BTRC: variants seen among roughly 807,000 people sequenced by gnomAD.
BTRC encodes the protein beta-transducin repeat containing E3 ubiquitin protein ligase, also known as F-box/WD repeat-containing protein 1A.
Under a neutral mutation model 85.5 loss-of-function variants are expected in BTRC, and 42 were observed. The ratio of observed to expected loss-of-function variants is 0.49; its 90% confidence interval spans 0.38 to 0.64. BTRC has a LOEUF of 0.64. Ranked by LOEUF, BTRC falls within the 30% of genes least tolerant of loss-of-function variation. The pLI is 0.00. For synonymous variants in BTRC, 255 were observed against 263.3 expected (o/e 0.97, Z 0.30); for missense variants, 594 against 743.5 (o/e 0.80, Z 2.34).
chr10:101,392,216 G>A (rs546386163), intron 1 of BTRC, among the ~76,000 whole-genome samples: 12 of 152,278 alleles, frequency 7.9e-5, no homozygotes, highest in African/African-American at 2.4e-4. Flanking sequence ...TTGACCTCGT[G>A]ATCTGCCCGC....
rs116296053 is a variant in BTRC at position 101,533,822 on chromosome 10, C to T, written c.1097+752C>T. Among the ~76,000 whole-genome samples the T allele has an allele frequency of 8.8e-3, 1,345 of 152,018 alleles. 19 individuals are homozygous for T. The highest frequency in any genetic ancestry group is 0.031 in the African/African-American group (1,270 of 41,500). Reference sequence around the variant, plus strand: ...AGAAAAGACGGTTCCTGTTTTTTGTCTTTTGACTTAAAGGCATAGCAAGGC... The same window carrying T: ...AGAAAAGACGGTTCCTGTTTTTTGTTTTTTGACTTAAAGGCATAGCAAGGC... On this transcript the variant is annotated intron_variant, in intron 9 of 14. Coordinates refer to ENST00000370187, the MANE Select transcript of BTRC (RefSeq NM_033637.4).
chr10:101,397,975 C>T (rs1039344425), intron 1 of BTRC, among the ~76,000 whole-genome samples: 5 of 152,206 alleles, frequency 3.3e-5, no homozygotes. Flanking sequence ...TCCACTTGCT[C>T]ATCACAGCAA....
In BTRC at chr10:101,516,195, G is replaced by A. The variant is rs186307607; in HGVS notation, c.325-5444G>A. On this transcript the variant is annotated intron_variant, in intron 4 of 14. Transcript: ENST00000370187. ...AAGCTCATTAAGAGTGTTGATTGAC[G>A]GAACACTTGACTGTATGCTAGGTGG... Among the ~76,000 whole-genome samples, 336 of 152,258 alleles carry A rather than the reference G, an allele frequency of 2.2e-3. 3 individuals carry two copies. The highest frequency in any genetic ancestry group is 7.1e-3 in the African/African-American group (295 of 41,568).
intron 1 of BTRC, among the ~76,000 whole-genome samples, chr10:101,370,907 C>T (rs1195001387): frequency 6.6e-6 from 1 of 152,140 alleles, no homozygotes. Flanking sequence ...TATCTGCACA[C>T]ACAGACACAC....
chr10:101,526,615 A>C (rs1386313412), intron 6 of BTRC, among the ~76,000 whole-genome samples: 1 of 152,204 alleles, frequency 6.6e-6, no homozygotes, highest in Non-Finnish European at 1.5e-5. Flanking sequence ...CCCCAACTCT[A>C]CTAAAAATAC....
At chr10:101,479,114 C>G (rs1303141055) in intron 3 of BTRC, among the ~76,000 whole-genome samples, 1 of 152,114 alleles carries the variant, frequency 6.6e-6, no homozygotes, top group Non-Finnish European at 1.5e-5. Context: ...TAATCAGTAC[C>G]CCCAGCTTCC....
chr10:101,415,585 A>C (rs1161551173), intron 1 of BTRC, among the ~76,000 whole-genome samples: 2 of 145,768 alleles, frequency 1.4e-5, no homozygotes, highest in Non-Finnish European at 3.0e-5. Context: ...CTTGTTGCCC[A>C]TGCTGGAGTG....
intron 1 of BTRC, among the ~76,000 whole-genome samples, chr10:101,360,294 A>G (rs977668641): frequency 4.0e-5 from 6 of 150,950 alleles, no homozygotes; most frequent in Non-Finnish European, 8.8e-5. Context: ...ACTTCAAGTG[A>G]TCCGCCCACC....
intron 2 of BTRC, among the ~76,000 whole-genome samples, chr10:101,458,438 T>A (rs921356551): frequency 6.6e-6 from 1 of 152,186 alleles, no homozygotes; most frequent in African/African-American, 2.4e-5. Context: ...TATACAACTG[T>A]ATGTTTTTGT....
intron 1 of BTRC, among the ~76,000 whole-genome samples, chr10:101,356,168 AAT>A (rs1942027972): frequency 1.3e-5 from 2 of 152,046 alleles, no homozygotes; most frequent in African/African-American, 4.8e-5. Context: ...ACGCCCATCT[AAT>A]TTTTTATTTT....
chr10:101,354,349 A>G, intron 1 of BTRC, 121 bp downstream of exon 1: 1 of 1,144,428 alleles, frequency 8.7e-7, no homozygotes, highest in Non-Finnish European at 1.2e-6. Context: ...CTGGCGGCGG[A>G]GCGGCTGGAG....
At chr10:101,481,579 T>G (rs1945835697) in intron 4 of BTRC, among the ~76,000 whole-genome samples, 1 of 152,044 alleles carries the variant, frequency 6.6e-6, no homozygotes, top group African/African-American at 2.4e-5. Context: ...TTTTAATTGT[T>G]TTTTTCTCCC....
At chr10:101,511,369 T>C (rs1051930319) in intron 4 of BTRC, among the ~76,000 whole-genome samples, 10 of 152,178 alleles carry the variant, frequency 6.6e-5, no homozygotes, top group Admixed American at 1.3e-4. Flanking sequence ...GAGGCATTTC[T>C]TGACCACTCC....
intron 4 of BTRC, among the ~76,000 whole-genome samples, chr10:101,484,662 G>T (rs556927001): frequency 6.6e-6 from 1 of 152,122 alleles, no homozygotes; most frequent in Admixed American, 6.6e-5. Flanking sequence ...TCACACAGGC[G>T]CCTCTGTCAG....
At chr10:101,393,357 A>C (rs1943284895) in intron 1 of BTRC, among the ~76,000 whole-genome samples, 1 of 152,198 alleles carries the variant, frequency 6.6e-6, no homozygotes, top group South Asian at 2.1e-4. Context: ...AGAGGGGATC[A>C]TGGTAACCCC....
At position 101,462,014 on chromosome 10, in the gene BTRC, G is replaced by A. The variant is rs765030761; in HGVS notation, c.190G>A (p.Glu64Lys). Reference protein sequence around the residue: ...SSEREDCNNGEPPRKIIPEKN... With the variant: ...SSEREDCNNGKPPRKIIPEKN... The stretch of plus-strand genomic sequence containing the variant: ...AGAGAGAGAAGACTGTAATAATGGC[G>A]AACCCCCTAGGAAGATAATACCAGA... The change falls in exon 3 of 15, where the codon GAA becomes AAA. Residue 64 changes from glutamate to lysine, a missense_variant. Coordinates refer to ENST00000370187, the MANE Select transcript of BTRC (RefSeq NM_033637.4). The A allele has an allele frequency of 9.3e-6, 15 of 1,611,844 alleles. No homozygotes were observed. Among genetic ancestry groups the A allele is most frequent in the East Asian group, 4.5e-5 (2 of 44,834 alleles).
intron 1 of BTRC, among the ~76,000 whole-genome samples, chr10:101,397,109 A>G (rs1415849668): frequency 6.6e-6 from 1 of 152,176 alleles, no homozygotes; most frequent in African/African-American, 2.4e-5. Context: ...CAGCCTGTCC[A>G]AAAGATTTTA....
Position 101,464,374 on chromosome 10 carries a change from T to G in BTRC, c.234+2316T>G, listed in dbSNP as rs116177665. The stretch of plus-strand genomic sequence containing the variant: ...CAGCAGGTCACACATGGGACTAATC[T>G]GATTCATTTTAAAAATAAATGCATA... On this transcript the variant is annotated intron_variant, in intron 3 of 14. Transcript: ENST00000370187. Among the ~76,000 whole-genome samples, 762 of 152,340 alleles carry G rather than the reference T, an allele frequency of 5.0e-3. 8 individuals carry two copies. The highest frequency in any genetic ancestry group is 0.018 in the African/African-American group (732 of 41,574).
chr10:101,491,073 A>C (rs1338506522), intron 4 of BTRC, among the ~76,000 whole-genome samples: 11 of 131,660 alleles, frequency 8.4e-5, no homozygotes, highest in East Asian at 7.1e-4. Flanking sequence ...AAAAAAAAAA[A>C]CTCTCTTTTC....
Sources: gnomAD v4.1 joint callset for allele counts (sites outside exome capture counted in the v4.1 genomes callset) on GRCh38, gnomAD v4.1.1 for gene constraint, MANE v1.5 for transcripts, NCBI Gene and HGNC (gene_info 2026-07-23, HGNC 2026-07-21) for gene names.